Variants in MMD2 observed in about 807,000 individuals in gnomAD.
MMD2 encodes monocyte to macrophage differentiation associated 2.
Under a neutral mutation model 33.5 loss-of-function variants are expected in MMD2, and 30 were observed. The ratio of observed to expected loss-of-function variants is 0.90; its 90% confidence interval spans 0.67 to 1.22. The LOEUF (loss-of-function observed/expected upper bound fraction) is 1.22, where lower values mean the gene tolerates loss of function less well. MMD2 is among the 50% of genes most tolerant of loss of function. MMD2 has a pLI of 0.00. For synonymous variants in MMD2, 129 were observed against 123.0 expected, an observed-to-expected ratio of 1.05 and a Z score of -0.32; for missense variants, 364 against 325.4, an observed-to-expected ratio of 1.12 and a Z score of -0.91.
chr7:4,926,483 G>C (rs1479700247), intron 1 of MMD2, among the ~76,000 whole-genome samples: 1 of 152,002 alleles, frequency 6.6e-6, no homozygotes, highest in African/African-American at 2.4e-5. Flanking sequence ...CAGATGCGTA[G>C]ACCCACTAAA....
At chr7:4,917,171 G>T (rs958597735) in intron 3 of MMD2, among the ~76,000 whole-genome samples, 3 of 152,184 alleles carry the variant, frequency 2.0e-5, no homozygotes, top group Non-Finnish European at 4.4e-5. Context: ...GATCCAAGCT[G>T]TGGAGCCAAA....
intron 1 of MMD2, among the ~76,000 whole-genome samples, chr7:4,927,209 T>C (rs913105543): frequency 6.6e-6 from 1 of 152,132 alleles, no homozygotes; most frequent in African/African-American, 2.4e-5. Flanking sequence ...CACTTATTTC[T>C]GCTGAGCTCA....
chr7:4,928,589 T>C (rs1001767008), intron 1 of MMD2, among the ~76,000 whole-genome samples: 3 of 150,772 alleles, frequency 2.0e-5, no homozygotes, highest in African/African-American at 4.9e-5. Flanking sequence ...ATGCTAAGTA[T>C]AGTTCATGAA....
the MMD2 span, among the ~76,000 whole-genome samples, chr7:4,892,501 T>A: frequency 2.0e-5 from 3 of 151,076 alleles, no homozygotes; most frequent in African/African-American, 4.9e-5. Flanking sequence ...GGCAGAAGAA[T>A]CTCTTGAACC....
At chr7:4,955,139 G>A (rs1335957779) in intron 1 of MMD2, among the ~76,000 whole-genome samples, 1 of 152,150 alleles carries the variant, frequency 6.6e-6, no homozygotes, top group Non-Finnish European at 1.5e-5. Context: ...TTACGGGCAC[G>A]TGCTACCACA....
intron 4 of MMD2, among the ~76,000 whole-genome samples, chr7:4,912,637 A>G (rs1785044613): frequency 6.6e-6 from 1 of 151,844 alleles, no homozygotes; most frequent in African/African-American, 2.4e-5. Flanking sequence ...TTGTCTGGAA[A>G]GGTGTAGTTA....
At chr7:4,935,400 G>C (rs1583386015) in intron 1 of MMD2, among the ~76,000 whole-genome samples, 1 of 151,812 alleles carries the variant, frequency 6.6e-6, no homozygotes, top group Non-Finnish European at 1.5e-5. Flanking sequence ...AGAGATTTCA[G>C]TTTATTCGGT....
chr7:4,954,399 T>C lies in MMD2; in HGVS notation c.47+4572A>G, dbSNP rs1786330038. 1.3e-5 allele frequency among the ~76,000 whole-genome samples: 2 copies of C among 151,566 alleles called. 1 individual carries two copies. Among genetic ancestry groups the C allele is most frequent in the South Asian group, 4.2e-4 (2 of 4,734 alleles). ...TGTCTTCTACTTTCTTCATGGCATT[T>C]TTGATTAACAGAAACTTAATTTTTT... On this transcript the variant is annotated intron_variant, in intron 1 of 6. Coordinates refer to ENST00000401401, the MANE Select transcript of MMD2 (RefSeq NM_198403.4).
intron 1 of MMD2, among the ~76,000 whole-genome samples, chr7:4,926,805 T>C (rs993170640): frequency 3.7e-4 from 57 of 152,052 alleles, no homozygotes; most frequent in Non-Finnish European, 5.6e-4. Flanking sequence ...AGTGCAGTGG[T>C]GCGATCTCGG....
chr7:4,955,563 G>C (rs1204259782), intron 1 of MMD2, among the ~76,000 whole-genome samples: 1 of 152,138 alleles, frequency 6.6e-6, no homozygotes, highest in Non-Finnish European at 1.5e-5. Flanking sequence ...ATTAGATGAA[G>C]ACTTGTGGGG....
intron 2 of MMD2, among the ~76,000 whole-genome samples, chr7:4,923,057 G>A (rs12671040): frequency 0.49 from 74,881 of 151,750 alleles, 18,682 homozygotes; most frequent in East Asian, 0.68. Flanking sequence ...TTTGTCCCCA[G>A]CCTCACAGCT....
At chr7:4,927,768 T>C (rs557665955) in intron 1 of MMD2, among the ~76,000 whole-genome samples, 1 of 152,244 alleles carries the variant, frequency 6.6e-6, no homozygotes, top group East Asian at 1.9e-4. Flanking sequence ...GGTGTCTTTT[T>C]AGAATCTTCA....
At chr7:4,924,237 C>T (rs1191123129) in intron 2 of MMD2, among the ~76,000 whole-genome samples, 2 of 152,204 alleles carry the variant, frequency 1.3e-5, no homozygotes, top group Admixed American at 6.5e-5. Context: ...AACAACAGAA[C>T]CAAGTGTGGT....
intron 1 of MMD2, among the ~76,000 whole-genome samples, chr7:4,934,827 T>C (rs779570790): frequency 7.9e-5 from 12 of 152,208 alleles, no homozygotes; most frequent in Non-Finnish European, 1.6e-4. Flanking sequence ...GCTTAACGTC[T>C]CTGGGCTGCA....
chr7:4,958,277 T>C (rs191116374), intron 1 of MMD2, among the ~76,000 whole-genome samples: 78 of 152,246 alleles, frequency 5.1e-4, no homozygotes, highest in African/African-American at 1.8e-3. Context: ...CTTAAAGATA[T>C]GTAAAAGGAG....
intron 1 of MMD2, among the ~76,000 whole-genome samples, chr7:4,937,418 A>G (rs928533826): frequency 2.6e-5 from 4 of 151,754 alleles, no homozygotes; most frequent in African/African-American, 9.7e-5. Flanking sequence ...AAGAAAGAAA[A>G]AGAAAGAAAG....
chr7:4,958,850 G>C (rs1173713098), intron 1 of MMD2, 121 bp downstream of exon 1: 2 of 861,104 alleles, frequency 2.3e-6, no homozygotes, highest in Non-Finnish European at 1.6e-6. Flanking sequence ...GGGGGTCAGG[G>C]GTCCGCCGAT....
intron 4 of MMD2, among the ~76,000 whole-genome samples, chr7:4,913,982 G>A (rs1785079057): frequency 6.6e-6 from 1 of 151,958 alleles, no homozygotes; most frequent in Non-Finnish European, 1.5e-5. Flanking sequence ...TAAATTACAT[G>A]TTTCAGTTTC....
intron 1 of MMD2, among the ~76,000 whole-genome samples, chr7:4,953,050 G>C (rs1786291826): frequency 6.6e-6 from 1 of 151,878 alleles, no homozygotes; most frequent in Non-Finnish European, 1.5e-5. Context: ...ATAATGGTCA[G>C]GGTGGTCTCA....
Sources: allele counts gnomAD v4.1 joint callset (sites outside exome capture counted in the v4.1 genomes callset), GRCh38; gene constraint gnomAD v4.1.1; transcripts MANE v1.5; gene names NCBI Gene and HGNC (gene_info 2026-07-23, HGNC 2026-07-21).